The following SPATA13 variants were observed in gnomAD, a reference collection of about 807,000 sequenced individuals.
SPATA13 encodes the protein spermatogenesis-associated protein 13.
SPATA13 carries 50 observed loss-of-function variants against 104.0 expected under a neutral mutation model. The observed-to-expected ratio is 0.48, with a 90% CI of 0.38 to 0.61. The LOEUF (loss-of-function observed/expected upper bound fraction) is 0.61. SPATA13 is among the 20% of genes least tolerant of loss of function. The probability of loss-of-function intolerance (pLI) is 0.00; values close to 1 mark genes in which losing one functional copy is unlikely to be tolerated. For synonymous variants in SPATA13, 606 were observed against 667.5 expected (o/e 0.91, Z 1.42); for missense variants, 1,524 against 1,690.6 (o/e 0.90, Z 1.73).
chr13:24,252,917 AGGTATCCAGTGAGCACTTTATCTG>A (rs1873576131), intron 4 of SPATA13: 1 of 152,214 alleles, frequency 6.6e-6, no homozygotes, highest in Non-Finnish European at 1.5e-5. Flanking sequence ...GGAGCTAGTG[AGGTATCCAGTGAGCACTTTATCTG>A]GGTATCCAGT....
intron 3 of SPATA13, among the ~76,000 whole-genome samples, chr13:24,038,165 G>A (rs1158428997): frequency 3.3e-5 from 5 of 151,898 alleles, no homozygotes; most frequent in African/African-American, 4.8e-5. Flanking sequence ...CGCCTGCCTC[G>A]ACCTCCGAAA....
At chr13:24,265,597 A>G (rs963299288) in intron 4 of SPATA13, among the ~76,000 whole-genome samples, 3 of 152,092 alleles carry the variant, frequency 2.0e-5, no homozygotes, top group Non-Finnish European at 4.4e-5. Context: ...GATTCTGTGT[A>G]GTCATTGTCC....
chr13:24,041,087 C>T (rs1438897299), intron 3 of SPATA13, among the ~76,000 whole-genome samples: 1 of 152,176 alleles, frequency 6.6e-6, no homozygotes, highest in African/African-American at 2.4e-5. Flanking sequence ...TGCCTGTGCT[C>T]TTATCTATAG....
chr13:24,105,316 G>T (rs537581581), intron 3 of SPATA13, among the ~76,000 whole-genome samples: 9 of 151,868 alleles, frequency 5.9e-5, no homozygotes, highest in South Asian at 2.1e-4. Flanking sequence ...TTGTATTTTG[G>T]GGGGTAGAGA....
intron 1 of SPATA13, among the ~76,000 whole-genome samples, chr13:24,221,630 G>T (rs1871592111): frequency 6.6e-6 from 1 of 152,088 alleles, no homozygotes; most frequent in African/African-American, 2.4e-5. Flanking sequence ...ATGGACACAG[G>T]TGTGTGGGAA....
intron 4 of SPATA13, chr13:24,272,833 A>G (rs943993803): frequency 2.0e-5 from 3 of 152,274 alleles, no homozygotes; most frequent in African/African-American, 7.2e-5. Context: ...GATGCTTGTG[A>G]GGCTCTCAAG....
intron 3 of SPATA13, among the ~76,000 whole-genome samples, chr13:24,075,050 G>T (rs182383663): frequency 2.0e-5 from 3 of 152,186 alleles, no homozygotes; most frequent in Non-Finnish European, 4.4e-5. Context: ...TTAGGCCAAG[G>T]TTAGAATATG....
In SPATA13 at chr13:24,278,946, T is replaced by C. The variant is rs192002408; in HGVS notation, c.2165-5189T>C. On this transcript the variant is annotated intron_variant, in intron 4 of 12. Coordinates refer to ENST00000382108, the MANE Select transcript of SPATA13 (RefSeq NM_001166271.3). The stretch of plus-strand genomic sequence containing the variant: ...CTTCCCTCTTTCCTTCCTTCCTTCC[T>C]TCCCTCCTTCCTTCCTTCCCTCCTT... 4.2e-3 allele frequency: 3,002 copies of C among 706,784 alleles called. 84 individuals carry two copies. The African/African-American group carries it at 0.05, about 12-fold the overall frequency. 43.8% of individuals were successfully genotyped at this position (706,784 alleles called of 1,614,324 possible). A position where few individuals can be genotyped will look rare whatever the true frequency, so the allele number is the denominator to read the frequency against.
intron 1 of SPATA13, among the ~76,000 whole-genome samples, chr13:23,981,504 G>A (rs1200885328): frequency 1.3e-5 from 2 of 152,176 alleles, no homozygotes; most frequent in African/African-American, 2.4e-5. Flanking sequence ...TTCGGGAGCC[G>A]GAAATGCTAG....
At chr13:23,993,970 GT>G (rs34371369) in intron 2 of SPATA13, among the ~76,000 whole-genome samples, 64,614 of 134,420 alleles carry the variant, frequency 0.48, 14,668 homozygotes, top group Admixed American at 0.54. Flanking sequence ...TGGTGGTGGT[GT>G]TTTTTTTTTT....
At chr13:24,110,516 A>G (rs542518509) in intron 3 of SPATA13, among the ~76,000 whole-genome samples, 1 of 152,214 alleles carries the variant, frequency 6.6e-6, no homozygotes, top group Non-Finnish European at 1.5e-5. Flanking sequence ...TTGAATCTGC[A>G]TCAGCCCCCA....
At chr13:24,245,494 G>A (rs55782562) in intron 2 of SPATA13, among the ~76,000 whole-genome samples, 151 of 149,532 alleles carry the variant, frequency 1.0e-3, no homozygotes, top group African/African-American at 3.5e-3. Context: ...GCTATTTTTA[G>A]AATATGTGGT....
In SPATA13 at chr13:24,193,430, G is replaced by A. The variant is rs544915704; in HGVS notation, c.-111-29389G>A. Among the ~76,000 whole-genome samples the A allele has an allele frequency of 5.3e-4, 81 of 152,324 alleles. No homozygotes were observed. In the South Asian group the frequency reaches 9.7e-3, roughly 18 times the overall value. On this transcript the variant is annotated intron_variant, in intron 1 of 12. Transcript: ENST00000382108. ...GGGCCTGGTGAGCAGATGCCTCAGC[G>A]TGGTTGAATCTGAGTGTGAGGAGTG...
chr13:24,178,981 TC>T (rs1344524273), intron 1 of SPATA13, among the ~76,000 whole-genome samples: 2 of 152,194 alleles, frequency 1.3e-5, no homozygotes, highest in Non-Finnish European at 1.5e-5. Context: ...CTATAGTCTG[TC>T]CCTCTACATT....
At chr13:24,092,336 T>C (rs1879936566) in intron 3 of SPATA13, among the ~76,000 whole-genome samples, 1 of 152,230 alleles carries the variant, frequency 6.6e-6, no homozygotes, top group South Asian at 2.1e-4. Context: ...AAACACTAGA[T>C]ATTTATTTTA....
At chr13:24,098,160 G>C (rs571039894) in intron 3 of SPATA13, among the ~76,000 whole-genome samples, 1 of 152,080 alleles carries the variant, frequency 6.6e-6, no homozygotes, top group African/African-American at 2.4e-5. Context: ...AAAATTAAGA[G>C]ACTGATAAAA....
chr13:23,985,523 C>T (rs1176455184), intron 2 of SPATA13, among the ~76,000 whole-genome samples: 2 of 152,196 alleles, frequency 1.3e-5, no homozygotes, highest in Non-Finnish European at 2.9e-5. Flanking sequence ...TCCTCCAGTC[C>T]GGTGAGAGTG....
chr13:24,238,640 C>A (rs1262212272), intron 2 of SPATA13, among the ~76,000 whole-genome samples: 3 of 152,146 alleles, frequency 2.0e-5, no homozygotes, highest in African/African-American at 4.8e-5. Flanking sequence ...TAGGTCAGTG[C>A]CACAGGTAGG....
chr13:24,157,092 C>T (rs150845844), upstream of SPATA13, among the ~76,000 whole-genome samples: 617 of 152,262 alleles, frequency 4.1e-3, 4 homozygotes, highest in African/African-American at 0.014. Context: ...CCGGTCTAGA[C>T]CTTAAGTTAC....
Sources: gnomAD v4.1 joint callset for allele counts (sites outside exome capture counted in the v4.1 genomes callset) on GRCh38, gnomAD v4.1.1 for gene constraint, MANE v1.5 for transcripts, NCBI Gene and HGNC (gene_info 2026-07-23, HGNC 2026-07-21) for gene names.